CSGALNACT1: variants seen among roughly 807,000 people sequenced by gnomAD.
CSGALNACT1 encodes chondroitin sulfate N-acetylgalactosaminyltransferase 1, also known as beta4GalNAcT-1.
In CSGALNACT1, 52 loss-of-function variants were observed where a neutral mutation model predicts 51.0. The ratio of observed to expected loss-of-function variants is 1.02; its 90% CI spans 0.82 to 1.29. The LOEUF is 1.29. CSGALNACT1 is among the 50% of genes most tolerant of loss of function. CSGALNACT1 has a pLI of 0.00. For missense variants in CSGALNACT1, 935 were observed against 679.2 expected (o/e 1.38, Z -4.19); for synonymous variants, 341 against 254.4 (o/e 1.34, Z -3.24).
intron 4 of CSGALNACT1, among the ~76,000 whole-genome samples, chr8:19,485,923 C>A (rs1040225491): frequency 2.0e-5 from 3 of 151,640 alleles, no homozygotes; most frequent in African/African-American, 7.3e-5. Context: ...CACGCCACCA[C>A]ATCTGGCTAA....
At chr8:19,753,903 A>T (rs754161128) in intron 1 of CSGALNACT1, among the ~76,000 whole-genome samples, 3 of 152,260 alleles carry the variant, frequency 2.0e-5, no homozygotes, top group Non-Finnish European at 4.4e-5. Flanking sequence ...AATATTCTCA[A>T]GCTCGACTAA....
intron 1 of CSGALNACT1, among the ~76,000 whole-genome samples, chr8:19,612,080 C>A (rs944019324): frequency 3.3e-5 from 5 of 152,214 alleles, no homozygotes; most frequent in South Asian, 4.1e-4. Flanking sequence ...CAGTGGTTCA[C>A]GCCTATAATC....
At chr8:19,753,343 A>G (rs1388125575) in intron 1 of CSGALNACT1, among the ~76,000 whole-genome samples, 1 of 144,696 alleles carries the variant, frequency 6.9e-6, no homozygotes, top group East Asian at 2.0e-4. Flanking sequence ...ACTGACCTAG[A>G]CCTTGATTTT....
At chr8:19,663,183 T>C (rs548255099) in intron 1 of CSGALNACT1, among the ~76,000 whole-genome samples, 11 of 152,226 alleles carry the variant, frequency 7.2e-5, no homozygotes, top group Admixed American at 5.2e-4. Flanking sequence ...AACATTTCCA[T>C]GGAACAGCAG....
chr8:19,604,191 C>A (rs2051016068), upstream of CSGALNACT1, among the ~76,000 whole-genome samples: 1 of 152,156 alleles, frequency 6.6e-6, no homozygotes, highest in African/African-American at 2.4e-5. Flanking sequence ...TGCCAAGACC[C>A]CCTTGGTAAT....
chr8:19,446,639 G>A (rs142733952), intron 5 of CSGALNACT1, among the ~76,000 whole-genome samples: 7 of 152,146 alleles, frequency 4.6e-5, no homozygotes, highest in African/African-American at 1.7e-4. Context: ...CTAACTTCCC[G>A]AGCAGCTGGG....
chr8:19,457,547 A>C (rs1040710473), intron 5 of CSGALNACT1: 3 of 556,116 alleles, frequency 5.4e-6, no homozygotes, highest in Admixed American at 4.8e-5. Flanking sequence ...TGGGAGGTGA[A>C]GGTTGCAGTG....
chr8:19,516,736 G>A (rs1395198670), intron 3 of CSGALNACT1, among the ~76,000 whole-genome samples: 1 of 152,174 alleles, frequency 6.6e-6, no homozygotes, highest in African/African-American at 2.4e-5. Flanking sequence ...CCAGGCTCTG[G>A]GTGGGCTGGG....
Position 19,582,135 on chromosome 8 carries a change from G to A in CSGALNACT1, c.-297+9025C>T, listed in dbSNP as rs191418471. On this transcript the variant is annotated intron_variant, in intron 3 of 9. Transcript: ENST00000454498. ...GCAGATAGTAACGTTCTGTAACTTG[G>A]CCCTTTCTCAGGAGGGCCGTGGCTA... 6.6e-3 allele frequency among the ~76,000 whole-genome samples: 998 copies of A among 152,250 alleles called. 16 individuals carry two copies. The highest frequency in any genetic ancestry group is 8.1e-3 in the Non-Finnish European group (549 of 68,008).
intron 4 of CSGALNACT1, among the ~76,000 whole-genome samples, chr8:19,485,787 A>C (rs1400261537): frequency 1.7e-4 from 1 of 5,858 alleles, no homozygotes; most frequent in African/African-American, 3.4e-4. Context: ...TTTTTTTTTG[A>C]CAGAGTTTCA....
intron 3 of CSGALNACT1, among the ~76,000 whole-genome samples, chr8:19,549,534 T>A (rs2087388866): frequency 1.3e-5 from 2 of 151,958 alleles, no homozygotes; most frequent in Non-Finnish European, 2.9e-5. Context: ...GGTCTCTTCA[T>A]CCCCTGGTCC....
At chr8:19,726,867 G>C (rs2063429371) in intron 1 of CSGALNACT1, among the ~76,000 whole-genome samples, 2 of 152,186 alleles carry the variant, frequency 1.3e-5, no homozygotes, top group Middle Eastern at 3.2e-3. Flanking sequence ...AGGACACTGA[G>C]AGCTCAGAGG....
intron 3 of CSGALNACT1, among the ~76,000 whole-genome samples, chr8:19,524,084 A>G (rs1292088458): frequency 6.6e-6 from 1 of 152,212 alleles, no homozygotes; most frequent in Non-Finnish European, 1.5e-5. Flanking sequence ...ACTTAAGGCC[A>G]GGAGTTTGAG....
intron 4 of CSGALNACT1, among the ~76,000 whole-genome samples, chr8:19,488,757 T>C (rs1035098719): frequency 6.6e-6 from 1 of 152,134 alleles, no homozygotes; most frequent in Non-Finnish European, 1.5e-5. Context: ...CCCGACAGGG[T>C]AGATTATTAA....
intron 1 of CSGALNACT1, among the ~76,000 whole-genome samples, chr8:19,679,684 G>C (rs908457011): frequency 1.3e-5 from 2 of 152,172 alleles, no homozygotes; most frequent in Non-Finnish European, 2.9e-5. Flanking sequence ...ACTCAAGACA[G>C]TCATGTGCCA....
chr8:19,653,297 A>T (rs530106220), intron 1 of CSGALNACT1, among the ~76,000 whole-genome samples: 1 of 152,262 alleles, frequency 6.6e-6, no homozygotes, highest in East Asian at 1.9e-4. Flanking sequence ...CGCTGTTGAC[A>T]TCGCTGAGTA....
chr8:19,694,292 C>T (rs140625000), intron 1 of CSGALNACT1, among the ~76,000 whole-genome samples: 63 of 152,282 alleles, frequency 4.1e-4, no homozygotes, highest in African/African-American at 1.3e-3. Flanking sequence ...CAGCTACCCA[C>T]ATAAGTGTAG....
intron 3 of CSGALNACT1, among the ~76,000 whole-genome samples, chr8:19,555,652 A>T (rs1430240037): frequency 6.6e-6 from 1 of 152,236 alleles, no homozygotes; most frequent in Non-Finnish European, 1.5e-5. Context: ...AATGCTGTTT[A>T]TTGCTCCCAA....
At chr8:19,579,271 G>A (rs888452230) in intron 3 of CSGALNACT1, among the ~76,000 whole-genome samples, 3 of 152,100 alleles carry the variant, frequency 2.0e-5, no homozygotes, top group African/African-American at 7.2e-5. Flanking sequence ...CTCCCTCCAT[G>A]TCCTCTACAC....
Sources: gnomAD v4.1 joint callset for allele counts (sites outside exome capture counted in the v4.1 genomes callset) on GRCh38, gnomAD v4.1.1 for gene constraint, MANE v1.5 for transcripts, NCBI Gene and HGNC (gene_info 2026-07-23, HGNC 2026-07-21) for gene names.